The following DLGAP2 variants were observed in gnomAD, a reference collection of about 807,000 sequenced individuals.
DLGAP2 encodes the protein disks large-associated protein 2.
In DLGAP2, 26 loss-of-function variants were observed where a neutral mutation model predicts 100.3. The observed-to-expected ratio is 0.26, with a 90% CI of 0.19 to 0.36. The LOEUF is 0.36. DLGAP2 is among the 10% of genes least tolerant of loss of function. The probability of loss-of-function intolerance (pLI) is 1.00; values close to 1 mark genes in which losing one functional copy is unlikely to be tolerated. For missense variants in DLGAP2, 1,858 were observed against 1,453.2 expected (o/e 1.28, Z -4.53); for synonymous variants, 886 against 630.1 (o/e 1.41, Z -6.08).
intron 3 of DLGAP2, among the ~76,000 whole-genome samples, chr8:1,474,392 C>T: frequency 6.6e-6 from 1 of 152,130 alleles, no homozygotes; most frequent in Middle Eastern, 3.2e-3. Flanking sequence ...TGGGTAGATA[C>T]TCAGGAGTGG....
At chr8:1,142,185 G>C (rs1465894628) in intron 2 of DLGAP2, among the ~76,000 whole-genome samples, 2 of 151,966 alleles carry the variant, frequency 1.3e-5, no homozygotes, top group East Asian at 1.9e-4. Flanking sequence ...AAGGTTCTGA[G>C]AGGTTGCTAT....
At chr8:1,225,995 GATTTC>G (rs57743764) in intron 2 of DLGAP2, among the ~76,000 whole-genome samples, 3,598 of 152,008 alleles carry the variant, frequency 0.024, 145 homozygotes, top group African/African-American at 0.081. Flanking sequence ...ACAAGGTGGT[GATTTC>G]ATTTCTCATA....
chr8:1,114,134 A>G (rs4279625), intron 2 of DLGAP2, among the ~76,000 whole-genome samples: 39,324 of 152,040 alleles, frequency 0.26, 5,921 homozygotes, highest in Admixed American at 0.32. Flanking sequence ...ATCGATGTTC[A>G]TCAAGGATAT....
chr8:944,595 G>A (rs1311264738), intron 2 of DLGAP2, among the ~76,000 whole-genome samples: 2 of 152,054 alleles, frequency 1.3e-5, no homozygotes, highest in Admixed American at 1.3e-4. Flanking sequence ...GTGACTCAGT[G>A]GGTGGTAGCT....
chr8:1,506,426 T>G (rs543338845), intron 4 of DLGAP2, among the ~76,000 whole-genome samples: 64 of 152,296 alleles, frequency 4.2e-4, no homozygotes, highest in Admixed American at 1.7e-3. Context: ...TTCAGACGTT[T>G]TTGGAGTTTC....
chr8:1,352,314 C>T (rs1047617243), intron 3 of DLGAP2, among the ~76,000 whole-genome samples: 6 of 150,804 alleles, frequency 4.0e-5, no homozygotes, highest in Non-Finnish European at 7.4e-5. Flanking sequence ...AAAGGCCGTG[C>T]GGGTCCTGAG....
At position 1,409,274 on chromosome 8, in the gene DLGAP2, A is replaced by C. The variant is rs114761895; in HGVS notation, c.107-92092A>C. Among the ~76,000 whole-genome samples, 1,289 of 150,884 alleles carry C rather than the reference A, an allele frequency of 8.5e-3. 18 individuals are homozygous for C. The highest frequency in any genetic ancestry group is 0.03 in the African/African-American group (1,223 of 40,896). On this transcript the variant is annotated intron_variant, in intron 3 of 14. Transcript: ENST00000637795. The stretch of plus-strand genomic sequence containing the variant: ...CCTGGCCCTGAGCACAGAATTGTCT[A>C]GACCAGCTGAAAACCAACTGGAACC...
At chr8:927,139 A>T in intron 2 of DLGAP2, 7 of 985,448 alleles carry the variant, frequency 7.1e-6, no homozygotes, top group African/African-American at 1.7e-5. Flanking sequence ...TTGTAATTAC[A>T]TGAAGGTGAA....
At chr8:940,428 T>A (rs1445334627) in intron 2 of DLGAP2, among the ~76,000 whole-genome samples, 1 of 151,938 alleles carries the variant, frequency 6.6e-6, no homozygotes, top group East Asian at 2.0e-4. Flanking sequence ...CCCTGTGATT[T>A]CACCCTGGGT....
At chr8:1,000,738 A>G (rs1800931140) in intron 2 of DLGAP2, among the ~76,000 whole-genome samples, 1 of 152,104 alleles carries the variant, frequency 6.6e-6, no homozygotes, top group Admixed American at 6.5e-5. Flanking sequence ...TCTTTACTCA[A>G]CGTCGACTGC....
chr8:1,546,182 A>G (rs1309655541), intron 4 of DLGAP2, among the ~76,000 whole-genome samples: 1 of 152,260 alleles, frequency 6.6e-6, no homozygotes, highest in Admixed American at 6.5e-5. Flanking sequence ...ATTACAGTGT[A>G]GGTGCTCCTG....
intron 2 of DLGAP2, among the ~76,000 whole-genome samples, chr8:1,123,196 A>C (rs1796089915): frequency 6.6e-6 from 1 of 152,246 alleles, no homozygotes. Context: ...TTCCCCATTA[A>C]TCAACTTTTA....
At chr8:1,534,360 CT>C (rs1801083193) in intron 4 of DLGAP2, among the ~76,000 whole-genome samples, 1 of 152,134 alleles carries the variant, frequency 6.6e-6, no homozygotes, top group Non-Finnish European at 1.5e-5. Flanking sequence ...TTCTTTTGTG[CT>C]TTGGAAGTCA....
intron 2 of DLGAP2, among the ~76,000 whole-genome samples, chr8:1,061,900 T>G (rs1377121712): frequency 1.3e-5 from 2 of 151,990 alleles, no homozygotes; most frequent in African/African-American, 4.8e-5. Flanking sequence ...GCCCACTCAC[T>G]CTTATAAAGA....
intron 1 of DLGAP2, among the ~76,000 whole-genome samples, chr8:764,417 G>T (rs926496878): frequency 6.6e-6 from 1 of 152,014 alleles, no homozygotes; most frequent in African/African-American, 2.4e-5. Flanking sequence ...TTACATAAAC[G>T]CCTATTATAT....
chr8:1,538,090 G>A (rs1409345621), intron 4 of DLGAP2, among the ~76,000 whole-genome samples: 6 of 152,252 alleles, frequency 3.9e-5, no homozygotes, highest in Admixed American at 3.9e-4. Context: ...AGGGCTCGGG[G>A]CTGCTGATGC....
At chr8:1,026,010 G>A (rs1175912135) in intron 2 of DLGAP2, among the ~76,000 whole-genome samples, 2 of 152,242 alleles carry the variant, frequency 1.3e-5, no homozygotes, top group Admixed American at 6.5e-5. Context: ...CTGCACCAGG[G>A]ATTCCCGGCA....
At chr8:1,281,084 G>C (rs1799804884) in intron 3 of DLGAP2, among the ~76,000 whole-genome samples, 1 of 152,174 alleles carries the variant, frequency 6.6e-6, no homozygotes, top group African/African-American at 2.4e-5. Context: ...AATGCTGTAG[G>C]TTTCAATGAG....
intron 3 of DLGAP2, among the ~76,000 whole-genome samples, chr8:1,429,885 A>G (rs904075476): frequency 3.0e-4 from 45 of 150,132 alleles, no homozygotes; most frequent in African/African-American, 1.0e-3. Context: ...TTGTGGAGTC[A>G]AGCCGATGCT....
Sources: gnomAD v4.1 joint callset for allele counts (sites outside exome capture counted in the v4.1 genomes callset) on GRCh38, gnomAD v4.1.1 for gene constraint, MANE v1.5 for transcripts, NCBI Gene and HGNC (gene_info 2026-07-23, HGNC 2026-07-21) for gene names.